The following ADGRV1 variants were observed in gnomAD, a reference collection of about 807,000 sequenced individuals.
The protein encoded by ADGRV1 is G-protein coupled receptor 98.
Under a neutral mutation model 596.2 loss-of-function variants are expected in ADGRV1, and 359 were observed. The ratio of observed to expected loss-of-function variants is 0.60; its 90% CI spans 0.55 to 0.66. The LOEUF (loss-of-function observed/expected upper bound fraction) is 0.66. Among genes scored for constraint, ADGRV1 ranks in the 30% least tolerant of loss-of-function variants. The pLI is 0.00. For missense variants in ADGRV1, 7,274 were observed against 7,575.6 expected (o/e 0.96, Z 1.48); for synonymous variants, 2,681 against 2,679.2 (o/e 1.00, Z -0.02).
At chr5:91,120,624 A>G (rs1190396856) in intron 87 of ADGRV1, among the ~76,000 whole-genome samples, 1 of 152,178 alleles carries the variant, frequency 6.6e-6, no homozygotes, top group African/African-American at 2.4e-5. Context: ...GGGTGGCCTC[A>G]GGATGATCCA....
intron 84 of ADGRV1, among the ~76,000 whole-genome samples, chr5:90,966,463 C>T (rs968452118): frequency 9.5e-5 from 13 of 137,458 alleles, no homozygotes; most frequent in South Asian, 2.4e-4. Flanking sequence ...ACCCAGGAGG[C>T]GGAGGTTGCA....
At chr5:91,090,951 G>T (rs184039377) in intron 86 of ADGRV1, among the ~76,000 whole-genome samples, 34 of 152,110 alleles carry the variant, frequency 2.2e-4, no homozygotes, top group Admixed American at 2.1e-3. Context: ...CATTAACTTG[G>T]GTTTCATAAA....
At chr5:90,828,209 C>A (rs1478771437) in intron 76 of ADGRV1, among the ~76,000 whole-genome samples, 1 of 152,066 alleles carries the variant, frequency 6.6e-6, no homozygotes, top group Non-Finnish European at 1.5e-5. Flanking sequence ...AGACTATATA[C>A]TGAATTTTGG....
chr5:90,931,497 T>C (rs544069115), intron 83 of ADGRV1, among the ~76,000 whole-genome samples: 4 of 152,292 alleles, frequency 2.6e-5, no homozygotes, highest in East Asian at 3.9e-4. Context: ...GATGCCCAAA[T>C]TGACAAATTT....
At chr5:91,117,281 A>ATATT (rs946465609) in intron 87 of ADGRV1, among the ~76,000 whole-genome samples, 3 of 152,244 alleles carry the variant, frequency 2.0e-5, no homozygotes, top group East Asian at 1.9e-4. Flanking sequence ...TGGAAATCTT[A>ATATT]TATTTATTTA....
chr5:91,099,115 C>T (rs1791140152), intron 86 of ADGRV1, among the ~76,000 whole-genome samples: 1 of 152,150 alleles, frequency 6.6e-6, no homozygotes, highest in African/African-American at 2.4e-5. Flanking sequence ...TGCTGCAAAG[C>T]ATTAGTGACA....
intron 21 of ADGRV1, among the ~76,000 whole-genome samples, chr5:90,668,188 G>T (rs1426491174): frequency 6.6e-6 from 1 of 152,010 alleles, no homozygotes; most frequent in Non-Finnish European, 1.5e-5. Flanking sequence ...CCTGGGCAAT[G>T]GCGGGCGCCC....
chr5:91,004,137 TG>T (rs1183166792), intron 85 of ADGRV1, among the ~76,000 whole-genome samples: 1 of 152,124 alleles, frequency 6.6e-6, no homozygotes, highest in Non-Finnish European at 1.5e-5. Flanking sequence ...TATTTGGGGA[TG>T]GGGGAAGGCT....
intron 84 of ADGRV1, among the ~76,000 whole-genome samples, chr5:90,974,694 G>T (rs370795051): frequency 3.3e-5 from 5 of 151,982 alleles, no homozygotes; most frequent in East Asian, 1.9e-4. Context: ...TATACAAAAA[G>T]TAATTCAAGA....
At chr5:90,995,343 A>AAGAGCT (rs1781325381) in intron 85 of ADGRV1, among the ~76,000 whole-genome samples, 2 of 152,152 alleles carry the variant, frequency 1.3e-5, no homozygotes, top group East Asian at 3.8e-4. Flanking sequence ...GAAGCTTTGA[A>AAGAGCT]AGAGCTCCAG....
At chr5:90,657,565 C>T (rs1265322036) in intron 20 of ADGRV1, among the ~76,000 whole-genome samples, 1 of 152,034 alleles carries the variant, frequency 6.6e-6, no homozygotes, top group African/African-American at 2.4e-5. Context: ...CACATACATA[C>T]ATGCATACGT....
At chr5:90,623,428 T>C (rs1764347456) in intron 5 of ADGRV1, among the ~76,000 whole-genome samples, 1 of 152,152 alleles carries the variant, frequency 6.6e-6, no homozygotes, top group Non-Finnish European at 1.5e-5. Context: ...TTTATTTTTT[T>C]TGAGACAGGA....
At chr5:90,666,297 C>T (rs1162352198) in intron 21 of ADGRV1, among the ~76,000 whole-genome samples, 1 of 151,958 alleles carries the variant, frequency 6.6e-6, no homozygotes, top group African/African-American at 2.4e-5. Context: ...TGTGGGTGCT[C>T]CTTTGTTGGG....
intron 85 of ADGRV1, among the ~76,000 whole-genome samples, chr5:91,061,121 G>C (rs1581934141): frequency 6.6e-6 from 1 of 152,292 alleles, no homozygotes; most frequent in African/African-American, 2.4e-5. Flanking sequence ...TCTTTTTGGA[G>C]CAAGAGGTAA....
At chr5:90,663,689 T>G (rs1344308577) in intron 21 of ADGRV1, among the ~76,000 whole-genome samples, 1 of 152,230 alleles carries the variant, frequency 6.6e-6, no homozygotes, top group Non-Finnish European at 1.5e-5. Context: ...TCCTTGCCCA[T>G]GCCTGTGTCC....
At chr5:90,621,317 A>G (rs1297577585) in intron 4 of ADGRV1, among the ~76,000 whole-genome samples, 1 of 152,228 alleles carries the variant, frequency 6.6e-6, no homozygotes, top group African/African-American at 2.4e-5. Flanking sequence ...CTTTGAAAGA[A>G]GTGGGCTATA....
At chr5:90,656,164 C>G (rs755941554) in intron 20 of ADGRV1, among the ~76,000 whole-genome samples, 4 of 152,180 alleles carry the variant, frequency 2.6e-5, no homozygotes, top group Non-Finnish European at 5.9e-5. Flanking sequence ...TCAGGTTTGT[C>G]CCAGAGAATT....
intron 83 of ADGRV1, among the ~76,000 whole-genome samples, chr5:90,915,619 A>C (rs1003406187): frequency 1.3e-5 from 2 of 152,184 alleles, no homozygotes; most frequent in Non-Finnish European, 2.9e-5. Flanking sequence ...AAAGTAAAAA[A>C]TACACATCAA....
At chr5:91,079,756 A>G (rs974090527) in intron 86 of ADGRV1, among the ~76,000 whole-genome samples, 7 of 152,284 alleles carry the variant, frequency 4.6e-5, no homozygotes, top group Admixed American at 2.0e-4. Context: ...ACCAGTCTCA[A>G]TTGGAGATGG....
Sources: allele counts gnomAD v4.1 joint callset (sites outside exome capture counted in the v4.1 genomes callset), GRCh38; gene constraint gnomAD v4.1.1; transcripts MANE v1.5; gene names NCBI Gene and HGNC (gene_info 2026-07-23, HGNC 2026-07-21).